Variants in PDSS2 observed in about 807,000 individuals in gnomAD.
PDSS2 encodes all trans-polyprenyl-diphosphate synthase PDSS2.
PDSS2 carries 31 observed loss-of-function variants against 44.5 expected under a neutral mutation model. The ratio of observed to expected loss-of-function variants is 0.70; its 90% CI spans 0.52 to 0.94. The LOEUF (loss-of-function observed/expected upper bound fraction) is 0.94. Ranked by LOEUF, PDSS2 falls within the 40% of genes least tolerant of loss-of-function variation. PDSS2 has a pLI of 0.00. For missense variants in PDSS2, 452 were observed against 482.2 expected (o/e 0.94, Z 0.59); for synonymous variants, 157 against 180.3 (o/e 0.87, Z 1.03).
chr6:107,327,442 A>G (rs1349592112), intron 2 of PDSS2, among the ~76,000 whole-genome samples: 1 of 152,222 alleles, frequency 6.6e-6, no homozygotes, highest in African/African-American at 2.4e-5. Context: ...TGAAATATGA[A>G]GGAAAAATAA....
At chr6:107,287,498 A>G (rs1264974598) in intron 2 of PDSS2, among the ~76,000 whole-genome samples, 1 of 151,928 alleles carries the variant, frequency 6.6e-6, no homozygotes, top group Non-Finnish European at 1.5e-5. Flanking sequence ...ATATACCCAC[A>G]TAAACATTTT....
chr6:107,251,279 G>T (rs1490488352), intron 3 of PDSS2, among the ~76,000 whole-genome samples: 3 of 152,226 alleles, frequency 2.0e-5, no homozygotes, highest in Non-Finnish European at 2.9e-5. Context: ...GAAAAAGGTT[G>T]CTTTATAACT....
At chr6:107,264,017 T>C (rs1371440463) in intron 3 of PDSS2, among the ~76,000 whole-genome samples, 1 of 152,230 alleles carries the variant, frequency 6.6e-6, no homozygotes, top group African/African-American at 2.4e-5. Context: ...GCCTAAAAGA[T>C]ATTAAATAAT....
At chr6:107,370,636 C>T (rs2114376794) in intron 1 of PDSS2, among the ~76,000 whole-genome samples, 1 of 152,230 alleles carries the variant, frequency 6.6e-6, no homozygotes, top group Admixed American at 6.5e-5. Context: ...TAATTTCTCC[C>T]TCTCTAGTTA....
chr6:107,277,681 G>A (rs1349265985), intron 2 of PDSS2, among the ~76,000 whole-genome samples: 2 of 152,130 alleles, frequency 1.3e-5, no homozygotes, highest in Admixed American at 6.5e-5. Flanking sequence ...GGCCAGGCGC[G>A]GTGGCTCAGG....
At position 107,431,500 on chromosome 6, in the gene PDSS2, T is replaced by C. The variant is rs572592754; in HGVS notation, c.296+27490A>G. The stretch of plus-strand genomic sequence containing the variant: ...CTGGGCTCATGCGAACCTGCTGCTT[T>C]GGACCCTCAAAGTGCTGGGATTACA... On this transcript the variant is annotated intron_variant, in intron 1 of 7. Coordinates refer to ENST00000369037, the MANE Select transcript of PDSS2 (RefSeq NM_020381.4). Among the ~76,000 whole-genome samples the C allele has an allele frequency of 2.6e-5, 4 of 152,330 alleles. No individual in the cohort carries two copies. In the East Asian group the frequency reaches 7.7e-4, roughly 29 times the overall value.
At position 107,212,289 on chromosome 6, in the gene PDSS2, A is replaced by C; in HGVS notation, c.703-7T>G. 6.2e-7 allele frequency: 1 copy of C among 1,606,738 alleles called. No homozygotes were observed. Among genetic ancestry groups the C allele is most frequent in the Non-Finnish European group, 8.5e-7 (1 of 1,175,324 alleles). ...CATCTGTGATATAACTTTCCTAAAA[A>C]TGTAACAAAAGCCAAGATAAAAAAG... On this transcript the variant is annotated splice_polypyrimidine_tract_variant and splice_region_variant and intron_variant, in intron 4 of 7. Coordinates refer to ENST00000369037, the MANE Select transcript of PDSS2 (RefSeq NM_020381.4).
rs10214821 is a variant in PDSS2 at position 107,269,068 on chromosome 6, T to C, written c.630+4961A>G. Among the ~76,000 whole-genome samples, 1,027 of 151,968 alleles carry C rather than the reference T, an allele frequency of 6.8e-3. 11 individuals carry two copies. Among genetic ancestry groups the C allele is most frequent in the African/African-American group, 0.021 (885 of 41,456 alleles). On this transcript the variant is annotated intron_variant, in intron 3 of 7. Transcript: ENST00000369037. The stretch of plus-strand genomic sequence containing the variant: ...GATTCTCCTGCCTCAGCCTCCCAAG[T>C]AGCTGGGATTACAGGCATGCACCAC...
intron 7 of PDSS2, among the ~76,000 whole-genome samples, chr6:107,164,086 T>A (rs1401220713): frequency 6.6e-6 from 1 of 152,160 alleles, no homozygotes; most frequent in East Asian, 1.9e-4. Context: ...ATTAGCCAGA[T>A]TTGGGAGTAC....
At chr6:107,323,740 G>A (rs1008287665) in intron 2 of PDSS2, among the ~76,000 whole-genome samples, 10 of 152,178 alleles carry the variant, frequency 6.6e-5, no homozygotes, top group African/African-American at 2.4e-4. Flanking sequence ...ATTAAGCACT[G>A]TTTAAAATGT....
chr6:107,257,470 G>A (rs563172635), intron 3 of PDSS2, among the ~76,000 whole-genome samples: 41 of 152,138 alleles, frequency 2.7e-4, no homozygotes, highest in Non-Finnish European at 5.3e-4. Context: ...CTGTGAGTTC[G>A]AGGTTACAGT....
chr6:107,391,396 A>T (rs1352421526), intron 1 of PDSS2, among the ~76,000 whole-genome samples: 1 of 152,100 alleles, frequency 6.6e-6, no homozygotes, highest in East Asian at 1.9e-4. Context: ...TTTTAAATTA[A>T]CTCTTTGTAT....
chr6:107,157,106 A>C (rs1770927686), intron 7 of PDSS2, among the ~76,000 whole-genome samples: 1 of 152,170 alleles, frequency 6.6e-6, no homozygotes, highest in South Asian at 2.1e-4. Flanking sequence ...GAAAAGTCTA[A>C]GCTCTTTCAT....
chr6:107,367,980 T>C (rs62430109), intron 1 of PDSS2, among the ~76,000 whole-genome samples: 9,504 of 151,548 alleles, frequency 0.063, 418 homozygotes, highest in South Asian at 0.18. Flanking sequence ...AAAAAACTAT[T>C]GTATTTCAGG....
chr6:107,380,231 T>C (rs1305991570), intron 1 of PDSS2, among the ~76,000 whole-genome samples: 5 of 152,206 alleles, frequency 3.3e-5, no homozygotes, highest in African/African-American at 9.6e-5. Context: ...TCAGCTGTCA[T>C]CTACTCTTAA....
intron 3 of PDSS2, among the ~76,000 whole-genome samples, chr6:107,261,122 G>T (rs1775207222): frequency 1.3e-5 from 2 of 152,234 alleles, no homozygotes; most frequent in South Asian, 4.1e-4. Flanking sequence ...TGGGTGGATA[G>T]ACAGCTGATT....
At chr6:107,456,590 C>A (rs931346097) in intron 1 of PDSS2, among the ~76,000 whole-genome samples, 1 of 152,188 alleles carries the variant, frequency 6.6e-6, no homozygotes, top group African/African-American at 2.4e-5. Context: ...GGGTCTCTTG[C>A]CCAGACAGGT....
At chr6:107,360,876 G>T (rs940822161) in intron 1 of PDSS2, among the ~76,000 whole-genome samples, 1 of 152,182 alleles carries the variant, frequency 6.6e-6, no homozygotes, top group Non-Finnish European at 1.5e-5. Flanking sequence ...ATACTGGGCA[G>T]TATTTCCTTT....
At chr6:107,296,437 T>G (rs6938917) in intron 2 of PDSS2, among the ~76,000 whole-genome samples, 1 of 152,228 alleles carries the variant, frequency 6.6e-6, no homozygotes. Flanking sequence ...TTGAAAACAC[T>G]GGACTCAATG....
Sources: allele counts gnomAD v4.1 joint callset (sites outside exome capture counted in the v4.1 genomes callset), GRCh38; gene constraint gnomAD v4.1.1; transcripts MANE v1.5; gene names NCBI Gene and HGNC (gene_info 2026-07-23, HGNC 2026-07-21).